WDR72: variants seen among roughly 807,000 people sequenced by gnomAD.
WDR72 encodes the protein WD repeat-containing protein 72.
A neutral mutation model predicts 124.2 loss-of-function variants in WDR72; 120 were observed. The observed-to-expected ratio is 0.97, with a 90% CI of 0.83 to 1.12. The LOEUF is 1.12. WDR72 is among the 50% of genes most tolerant of loss of function. The probability of loss-of-function intolerance (pLI) is 0.00; values close to 1 mark genes in which losing one functional copy is unlikely to be tolerated. For synonymous variants in WDR72, 452 were observed against 441.7 expected (o/e 1.02, Z -0.29); for missense variants, 1,387 against 1,278.8 (o/e 1.08, Z -1.29).
chr15:53,750,801 C>T (rs557435147), intron 1 of WDR72, among the ~76,000 whole-genome samples: 66 of 152,154 alleles, frequency 4.3e-4, no homozygotes, highest in African/African-American at 1.5e-3. Flanking sequence ...TAACTGCAGA[C>T]GTGGTGGAAA....
At chr15:53,672,312 TAA>T (rs5812704) in intron 13 of WDR72, among the ~76,000 whole-genome samples, 2 of 136,446 alleles carry the variant, frequency 1.5e-5, no homozygotes, top group Admixed American at 7.4e-5. Flanking sequence ...AAATGCCGAT[TAA>T]AAAAAAAAAA....
At chr15:53,591,688 AC>A (rs2012508503) in intron 18 of WDR72, among the ~76,000 whole-genome samples, 1 of 2,274 alleles carries the variant, frequency 4.4e-4, no homozygotes, top group Non-Finnish European at 1.2e-3. Flanking sequence ...CACACACAAC[AC>A]ACACACACAC....
intron 14 of WDR72, among the ~76,000 whole-genome samples, chr15:53,629,191 C>CGAGAGAGAGAGA (rs5812700): frequency 7.4e-6 from 1 of 135,720 alleles, no homozygotes. Context: ...AGAGAGACAG[C>CGAGAGAGAGAGA]GAGAGAGAGA....
rs553605348 is a variant in WDR72 at position 53,611,418 on chromosome 15, C to G, written c.2873-1826G>C. Among the ~76,000 whole-genome samples, 3 of 152,140 alleles carry G rather than the reference C, an allele frequency of 2.0e-5. No individual in the cohort carries two copies. The East Asian group carries it at 5.8e-4, about 29-fold the overall frequency. The stretch of plus-strand genomic sequence containing the variant: ...CTCCTTGATTCTGGTTAGCAATCCC[C>G]TGTCTTTGCAGAAACACTTATATTA... On this transcript the variant is annotated intron_variant, in intron 16 of 19. Transcript: ENST00000360509.
chr15:53,537,276 C>T (rs1892813808), intron 18 of WDR72, among the ~76,000 whole-genome samples: 1 of 152,112 alleles, frequency 6.6e-6, no homozygotes, highest in African/African-American at 2.4e-5. Context: ...AATTGAATGA[C>T]ATTGTATAAT....
In WDR72 at chr15:53,597,176, T is replaced by C; in HGVS notation, c.3051A>G (p.Ala1017=). 6.2e-7 allele frequency: 1 copy of C among 1,613,964 alleles called. No individual in the cohort carries two copies. The highest frequency in any genetic ancestry group is 8.5e-7 in the Non-Finnish European group (1 of 1,179,884). The change falls in exon 18 of 20, where the codon GCA becomes GCG. Residue 1017 remains alanine, a synonymous_variant. Transcript: ENST00000360509. ...GCTTCATCTCACAGTTACCATTCTC[T>C]GCCATGGACACTGGTTGACTATTGA... is the stretch of plus-strand genomic sequence containing the variant. ...IPVNSQPVSM[A]ENGNCEMKQM...
At chr15:53,521,300 C>T (rs1891779930) in intron 19 of WDR72, among the ~76,000 whole-genome samples, 1 of 152,110 alleles carries the variant, frequency 6.6e-6, no homozygotes, top group South Asian at 2.1e-4. Context: ...TGGCCATTTA[C>T]TCCTGGCCAC....
At chr15:53,647,417 C>G (rs1437512500) in intron 14 of WDR72, among the ~76,000 whole-genome samples, 2 of 152,010 alleles carry the variant, frequency 1.3e-5, no homozygotes, top group Non-Finnish European at 2.9e-5. Flanking sequence ...ATTAGATCAT[C>G]CATAATTATA....
At chr15:53,716,069 T>C (rs1233861570) in intron 4 of WDR72, among the ~76,000 whole-genome samples, 2 of 151,784 alleles carry the variant, frequency 1.3e-5, no homozygotes, top group African/African-American at 2.4e-5. Context: ...ACACTAAGAG[T>C]GTAAAATATT....
intron 18 of WDR72, among the ~76,000 whole-genome samples, chr15:53,547,960 A>AG (rs1566954801): frequency 6.6e-6 from 1 of 152,238 alleles, no homozygotes. Context: ...AAGAAAAAAA[A>AG]GAAATGTTGC....
chr15:53,729,001 G>A (rs992163025), intron 2 of WDR72, among the ~76,000 whole-genome samples: 1 of 152,108 alleles, frequency 6.6e-6, no homozygotes, highest in Non-Finnish European at 1.5e-5. Flanking sequence ...ACTCTGAGAC[G>A]TGCAGAACTT....
At chr15:53,536,886 G>T (rs1892791599) in intron 18 of WDR72, among the ~76,000 whole-genome samples, 1 of 152,166 alleles carries the variant, frequency 6.6e-6, no homozygotes, top group Non-Finnish European at 1.5e-5. Flanking sequence ...CCTGTTGTCT[G>T]TCTGCTGCCT....
rs71746507 is a variant in WDR72 at position 53,691,620 on chromosome 15, C to CAGATAGAT, written c.1765+8122_1765+8129dup. On this transcript the variant is annotated intron_variant, in intron 13 of 19. Transcript: ENST00000360509. The stretch of plus-strand genomic sequence containing the variant: ...AATGATAGACAGACAGACAGACAGA[C>CAGATAGAT]AGATAGATAGATAGATAGATAGATA... 6.2e-5 allele frequency among the ~76,000 whole-genome samples: 9 copies of CAGATAGAT among 145,604 alleles called. No homozygotes were observed. In the East Asian group the frequency reaches 6.4e-4, roughly 10 times the overall value.
intron 1 of WDR72, among the ~76,000 whole-genome samples, chr15:53,746,583 T>C (rs1366836895): frequency 1.3e-5 from 2 of 152,218 alleles, no homozygotes; most frequent in African/African-American, 2.4e-5. Flanking sequence ...CTTATAGTTA[T>C]GTGACCTCTG....
intron 1 of WDR72, among the ~76,000 whole-genome samples, chr15:53,738,105 A>C (rs2140628473): frequency 6.6e-6 from 1 of 152,344 alleles, no homozygotes; most frequent in African/African-American, 2.4e-5. Flanking sequence ...AAGAAAACAT[A>C]ATATAAATTC....
chr15:53,726,569 T>C lies in WDR72; in HGVS notation c.154-3661A>G, dbSNP rs78756061. Among the ~76,000 whole-genome samples the C allele has an allele frequency of 5.2e-3, 786 of 152,250 alleles. 11 individuals are homozygous for C. In the South Asian group the frequency reaches 0.055, roughly 11 times the overall value. ...TTAAAATATCGATGCTGGCCAAGCA[T>C]GGTGGTTCATGTTTATAATCCCAGC... On this transcript the variant is annotated intron_variant, in intron 2 of 19. Transcript: ENST00000360509.
intron 17 of WDR72, among the ~76,000 whole-genome samples, chr15:53,600,377 T>C (rs1479379630): frequency 1.3e-5 from 2 of 152,196 alleles, no homozygotes; most frequent in Non-Finnish European, 2.9e-5. Flanking sequence ...TTGAGCATTA[T>C]GGCTATAAAG....
rs115240073 is a variant in WDR72, at chr15:53,590,336, A to G, written c.3148+6743T>C. ...TTTAAATTTTTAAGCAATAAAACTTATATTTCTGTTAATTCATATTCCAAA... is the reference window on the plus strand; with the variant it reads ...TTTAAATTTTTAAGCAATAAAACTTGTATTTCTGTTAATTCATATTCCAAA... On this transcript the variant is annotated intron_variant, in intron 18 of 19. Coordinates refer to ENST00000360509, the MANE Select transcript of WDR72 (RefSeq NM_182758.4). 2.3e-3 allele frequency among the ~76,000 whole-genome samples: 343 copies of G among 152,136 alleles called. 2 individuals are homozygous for G. Among genetic ancestry groups the G allele is most frequent in the African/African-American group, 8.0e-3 (333 of 41,524 alleles).
In WDR72 at chr15:53,699,911, C is replaced by T. The variant is rs1200122301; in HGVS notation, c.1604G>A (p.Gly535Asp). ...RGEQIICCVC[G>D]DHSVALLHLE... ...GTGAAGGAGAGCCACGGAATGGTCA[C>T]CGCACACACAGCAAATTATCTGCTC... is the stretch of plus-strand genomic sequence containing the variant. The change falls in exon 13 of 20, where the codon GGT becomes GAT. Residue 535 changes from glycine to aspartate, a missense_variant. By Grantham distance (94) the Gly-to-Asp change is moderately conservative. Coordinates refer to ENST00000360509, the MANE Select transcript of WDR72 (RefSeq NM_182758.4). 7 of 1,614,144 alleles carry T rather than the reference C, an allele frequency of 4.3e-6. No homozygotes were observed. Among genetic ancestry groups the T allele is most frequent in the Non-Finnish European group, 5.9e-6 (7 of 1,180,030 alleles).
Sources: gnomAD v4.1 joint callset for allele counts (sites outside exome capture counted in the v4.1 genomes callset) on GRCh38, gnomAD v4.1.1 for gene constraint, MANE v1.5 for transcripts, NCBI Gene and HGNC (gene_info 2026-07-23, HGNC 2026-07-21) for gene names.